Variants in ARHGEF10 observed in about 807,000 individuals in gnomAD.
ARHGEF10 encodes Rho guanine nucleotide exchange factor 10, also known as Rho guanine nucleotide exchange factor (GEF) 10.
ARHGEF10 carries 140 observed loss-of-function variants against 147.4 expected under a neutral mutation model. The ratio of observed to expected loss-of-function variants is 0.95; its 90% CI spans 0.83 to 1.09. ARHGEF10 has a LOEUF of 1.09. ARHGEF10 is among the 50% of genes least tolerant of loss of function. ARHGEF10 has a pLI of 0.00. For synonymous variants in ARHGEF10, 902 were observed against 695.8 expected, an observed-to-expected ratio of 1.30 and a Z score of -4.67; for missense variants, 2,222 against 1,752.7, an observed-to-expected ratio of 1.27 and a Z score of -4.78.
chr8:1,919,850 T>C (rs1391488621), intron 18 of ARHGEF10, among the ~76,000 whole-genome samples: 1 of 146,576 alleles, frequency 6.8e-6, no homozygotes, highest in African/African-American at 2.6e-5. Context: ...GATGGAGCTG[T>C]GCTGTGGATG....
intron 19 of ARHGEF10, 142 bp downstream of exon 19, chr8:1,923,221 G>A (rs931441207): frequency 9.4e-6 from 8 of 852,714 alleles, no homozygotes; most frequent in African/African-American, 3.4e-5. Flanking sequence ...TTTCTCTTAC[G>A]TTAGATAAGG....
chr8:1,911,312 T>C (rs1298119843), intron 18 of ARHGEF10, among the ~76,000 whole-genome samples: 1 of 152,188 alleles, frequency 6.6e-6, no homozygotes, highest in East Asian at 1.9e-4. Context: ...CACGTCTCTA[T>C]GGAAAAGCAC....
intron 17 of ARHGEF10, among the ~76,000 whole-genome samples, chr8:1,907,946 G>A (rs1289635141): frequency 6.6e-6 from 1 of 152,204 alleles, no homozygotes; most frequent in African/African-American, 2.4e-5. Flanking sequence ...TACATTCAAA[G>A]AGGAGGAATC....
At chr8:1,865,973 G>A (rs999097447) in intron 5 of ARHGEF10, among the ~76,000 whole-genome samples, 26 of 152,154 alleles carry the variant, frequency 1.7e-4, no homozygotes, top group African/African-American at 6.3e-4. Context: ...TCATCCTTCC[G>A]AGTGGAGCAT....
chr8:1,864,693 G>A (rs1806437010), intron 5 of ARHGEF10, among the ~76,000 whole-genome samples: 2 of 152,216 alleles, frequency 1.3e-5, no homozygotes, highest in South Asian at 2.1e-4. Flanking sequence ...CCCTTGTCAC[G>A]GCCCTGCTGT....
chr8:1,863,074 C>T (rs969892152), intron 4 of ARHGEF10, among the ~76,000 whole-genome samples: 7 of 152,250 alleles, frequency 4.6e-5, no homozygotes, highest in African/African-American at 7.2e-5. Context: ...TGAGCCACCG[C>T]GGCCAGCTGG....
rs989734286 is a variant in ARHGEF10, at chr8:1,907,561, C to T, written c.1968-1734C>T. On this transcript the variant is annotated intron_variant, in intron 17 of 28. Coordinates refer to ENST00000349830, the MANE Select transcript of ARHGEF10 (RefSeq NM_014629.4). ...AACCCCTCAGGCTGCTGTTGGGGAG[C>T]GCCAGGACACACTTGACTCTTGGGC... Among the ~76,000 whole-genome samples, 8 of 152,158 alleles carry T rather than the reference C, an allele frequency of 5.3e-5. 1 individual carries two copies. The South Asian group carries it at 8.3e-4, about 16-fold the overall frequency.
At chr8:1,832,691 G>GGCAGAGGC (rs1803238390) in intron 1 of ARHGEF10, among the ~76,000 whole-genome samples, 1 of 90,298 alleles carries the variant, frequency 1.1e-5, no homozygotes, top group African/African-American at 3.6e-5. Context: ...GACAGAGACA[G>GGCAGAGGC]AGAGACAGGC....
intron 7 of ARHGEF10, among the ~76,000 whole-genome samples, chr8:1,875,496 G>A (rs1040681901): frequency 2.0e-5 from 3 of 152,188 alleles, no homozygotes; most frequent in Admixed American, 2.0e-4. Flanking sequence ...TTCATCCGCT[G>A]AGCTGAGTTG....
At chr8:1,881,099 C>T (rs530104362) in intron 9 of ARHGEF10, among the ~76,000 whole-genome samples, 1 of 152,086 alleles carries the variant, frequency 6.6e-6, no homozygotes. Flanking sequence ...TTCACAGACA[C>T]GGGGAGTGCC....
Position 1,957,373 on chromosome 8 carries a change from A to T in ARHGEF10, c.*110A>T, listed in dbSNP as rs1017403259. The T allele has an allele frequency of 3.4e-6, 5 of 1,473,818 alleles. No individual in the cohort carries two copies. The highest frequency in any genetic ancestry group is 3.7e-6 in the Non-Finnish European group (4 of 1,095,054). The allele number at this position is 1,473,818 out of a possible 1,614,324, so 91.3% of individuals were successfully genotyped here. A position where few individuals can be genotyped will look rare whatever the true frequency, so the allele number is the denominator to read the frequency against. ...TCTACACTGGTTGGGAATAAATTAAAAACAGTATTTGGGGGAGAAACGTGC... is the reference window on the plus strand; with the variant it reads ...TCTACACTGGTTGGGAATAAATTAATAACAGTATTTGGGGGAGAAACGTGC... On this transcript the variant is annotated 3_prime_UTR_variant, in exon 29 of 29. Transcript: ENST00000349830.
chr8:1,889,743 CATTG>C lies in ARHGEF10; in HGVS notation c.1183-3824_1183-3821del, dbSNP rs1309854666. ...GAGTGGAGTGAGGGTTGCGAGGAGA[CATTG>C]AGTGGGATGAGGGTTGTGAGGAGAC... is the stretch of plus-strand genomic sequence containing the variant. On this transcript the variant is annotated intron_variant, in intron 11 of 28. Coordinates refer to ENST00000349830, the MANE Select transcript of ARHGEF10 (RefSeq NM_014629.4). Among the ~76,000 whole-genome samples, 2 of 63,052 alleles carry C rather than the reference CATTG, an allele frequency of 3.2e-5. 1 individual carries two copies. The highest frequency in any genetic ancestry group is 6.6e-5 in the Non-Finnish European group (2 of 30,476). 41.4% of individuals were successfully genotyped at this position (63,052 alleles called of 152,430 possible).
intron 27 of ARHGEF10, among the ~76,000 whole-genome samples, chr8:1,947,593 C>T (rs1814693332): frequency 6.6e-6 from 1 of 152,014 alleles, no homozygotes; most frequent in Admixed American, 6.5e-5. Context: ...ATAGGAAAGC[C>T]TGCGCTCTGG....
At chr8:1,854,332 C>A (rs75893223) in intron 2 of ARHGEF10, among the ~76,000 whole-genome samples, 1 of 152,216 alleles carries the variant, frequency 6.6e-6, no homozygotes, top group Non-Finnish European at 1.5e-5. Context: ...CCTGGGCGCC[C>A]GCCGTGGGCA....
chr8:1,878,283 A>G (rs1252435791), intron 8 of ARHGEF10, among the ~76,000 whole-genome samples: 1 of 151,966 alleles, frequency 6.6e-6, no homozygotes, highest in East Asian at 1.9e-4. Flanking sequence ...TCCACTTCCC[A>G]GATTCAAGTA....
chr8:1,919,995 AGTGATGGAGCTGTTCTG>A (rs1563286228), intron 18 of ARHGEF10, among the ~76,000 whole-genome samples: 1 of 112,978 alleles, frequency 8.9e-6, no homozygotes, highest in Non-Finnish European at 1.8e-5. Context: ...CTGTTCTGTC[AGTGATGGAGCTGTTCTG>A]TGGATGATGG....
At chr8:1,934,823 T>TA (rs1456721221) in intron 26 of ARHGEF10, among the ~76,000 whole-genome samples, 1 of 152,216 alleles carries the variant, frequency 6.6e-6, no homozygotes, top group Non-Finnish European at 1.5e-5. Context: ...GTTACCATAA[T>TA]AAATAAAATG....
chr8:1,927,061 G>A (rs190862665), intron 23 of ARHGEF10: 4 of 168,472 alleles, frequency 2.4e-5, no homozygotes, highest in Admixed American at 1.1e-4. Context: ...TGTGCAGCAC[G>A]CCACTGCCTC....
At chr8:1,910,893 T>A (rs17829874) in intron 18 of ARHGEF10, among the ~76,000 whole-genome samples, 38,289 of 152,112 alleles carry the variant, frequency 0.25, 4,971 homozygotes, top group East Asian at 0.38. Flanking sequence ...AAATAGTATG[T>A]ATTCCATGCA....
Sources: allele counts gnomAD v4.1 joint callset (sites outside exome capture counted in the v4.1 genomes callset), GRCh38; gene constraint gnomAD v4.1.1; transcripts MANE v1.5; gene names NCBI Gene and HGNC (gene_info 2026-07-23, HGNC 2026-07-21).